Variants in TSPAN13 observed in about 807,000 individuals in gnomAD.
TSPAN13 encodes the protein tetraspanin 13, also known as tetraspanin-13.
In TSPAN13, 18 loss-of-function variants were observed where a neutral mutation model predicts 26.9. The observed-to-expected ratio is 0.67, with a 90% CI of 0.46 to 0.99. TSPAN13 has a LOEUF of 0.99. Among genes scored for constraint, TSPAN13 ranks in the 50% least tolerant of loss-of-function variants. The probability of loss-of-function intolerance (pLI) is 0.00; values close to 1 mark genes in which losing one functional copy is unlikely to be tolerated. For synonymous variants in TSPAN13, 116 were observed against 98.4 expected, an observed-to-expected ratio of 1.18 and a Z score of -1.06; for missense variants, 201 against 249.6, an observed-to-expected ratio of 0.81 and a Z score of 1.31.
chr7:16,777,780 A>G lies in TSPAN13; in HGVS notation c.313-18A>G, dbSNP rs1784770035. 6.2e-7 allele frequency: 1 copy of G among 1,601,496 alleles called. No homozygotes were observed. Among genetic ancestry groups the G allele is most frequent in the Non-Finnish European group, 8.5e-7 (1 of 1,169,892 alleles). On this transcript the variant is annotated intron_variant, in intron 3 of 5. Transcript: ENST00000262067. ...TCTGCAGGGATGACACATTTTATATATTAAACACATTTACTAGGGTCAGCT... is the reference window on the plus strand; with the variant it reads ...TCTGCAGGGATGACACATTTTATATGTTAAACACATTTACTAGGGTCAGCT...
chr7:16,777,151 A>G (rs1326519884), intron 3 of TSPAN13, 29 bp downstream of exon 3: 3 of 1,461,162 alleles, frequency 2.1e-6, no homozygotes, highest in South Asian at 2.3e-5. Context: ...CTTCTACTTT[A>G]TTATACCACA....
chr7:16,777,969 A>T (rs1244092347), intron 4 of TSPAN13, 58 bp downstream of exon 4: 2 of 1,255,042 alleles, frequency 1.6e-6, no homozygotes, highest in South Asian at 1.4e-5. Flanking sequence ...ATAATGATTA[A>T]TGTGGAAGAA....
At position 16,779,088 on chromosome 7, in the gene TSPAN13, G is replaced by C. The variant is rs1312314831; in HGVS notation, c.512G>C (p.Gly171Ala). 1 of 1,613,850 alleles carries C rather than the reference G, an allele frequency of 6.2e-7. No individual in the cohort carries two copies. ...YAGEVLRFVGGIGLFFSFTEI... is the reference protein window; with the variant it reads ...YAGEVLRFVGAIGLFFSFTEI... Reference sequence around the variant, plus strand: ...GGAGAGGTTTTGAGATTTGTTGGTGGCATTGGCCTGTTCTTCAGTTTTACA... The same window carrying C: ...GGAGAGGTTTTGAGATTTGTTGGTGCCATTGGCCTGTTCTTCAGTTTTACA... Residue 171 changes from glycine to alanine, a missense_variant, in exon 5 of 6, where the codon GGC becomes GCC. Physicochemically the swap from Gly to Ala is moderately conservative, Grantham distance 60. Transcript: ENST00000262067.
At chr7:16,774,519 C>G (rs1020293232) in intron 1 of TSPAN13, among the ~76,000 whole-genome samples, 2 of 152,158 alleles carry the variant, frequency 1.3e-5, no homozygotes, top group Admixed American at 1.3e-4. Flanking sequence ...ACCACAGAGT[C>G]AGAAATAAGC....
intron 1 of TSPAN13, among the ~76,000 whole-genome samples, chr7:16,763,344 T>C (rs1784567482): frequency 6.6e-6 from 1 of 152,178 alleles, no homozygotes; most frequent in Non-Finnish European, 1.5e-5. Flanking sequence ...AAGTTTATGA[T>C]CAACACAAGG....
chr7:16,758,098 G>C (rs1414794038), intron 1 of TSPAN13, among the ~76,000 whole-genome samples: 3 of 152,092 alleles, frequency 2.0e-5, no homozygotes, highest in South Asian at 2.1e-4. Context: ...GTCTCCCAAA[G>C]TGCTGGGATT....
Position 16,776,217 on chromosome 7 carries a change from A to G in TSPAN13, c.70A>G (p.Ser24Gly), listed in dbSNP as rs1270380532. The change falls in exon 2 of 6, where the codon AGT becomes GGT. Residue 24 changes from serine (S) to glycine (G), a missense_variant. Coordinates refer to ENST00000262067, the MANE Select transcript of TSPAN13 (RefSeq NM_014399.4). Reference protein sequence around the residue: ...CALNLLYTLVSLLLIGIAAWG... With the variant: ...CALNLLYTLVGLLLIGIAAWG... ...CCCCTGGGTGTTTTTGCAGTTGGTT[A>G]GTCTGCTGCTAATTGGAATTGCTGC... The G allele has an allele frequency of 2.5e-6, 4 of 1,613,462 alleles. No individual in the cohort carries two copies. Among genetic ancestry groups the G allele is most frequent in the Admixed American group, 3.3e-5 (2 of 59,974 alleles).
At chr7:16,773,168 G>A (rs192902761) in intron 1 of TSPAN13, among the ~76,000 whole-genome samples, 2 of 150,978 alleles carry the variant, frequency 1.3e-5, no homozygotes, top group Admixed American at 6.6e-5. Context: ...AAATCTTGGG[G>A]GGGGGCGGTT....
chr7:16,771,767 A>T lies in TSPAN13; in HGVS notation c.64-4444A>T, dbSNP rs550017895. Among the ~76,000 whole-genome samples the T allele has an allele frequency of 3.3e-5, 5 of 152,350 alleles. No homozygotes were observed. The East Asian group carries it at 9.6e-4, about 29-fold the overall frequency. On this transcript the variant is annotated intron_variant, in intron 1 of 5. Transcript: ENST00000262067. ...AGCCACTACACTTGTGTTAATTTGC[A>T]AAAGCAGCGATAGGAAACCCTCTTT...
intron 5 of TSPAN13, among the ~76,000 whole-genome samples, chr7:16,782,952 A>C (rs562317374): frequency 6.6e-6 from 1 of 152,148 alleles, no homozygotes; most frequent in Non-Finnish European, 1.5e-5. Flanking sequence ...TTACATCTTC[A>C]AAGCTAGGAG....
At chr7:16,754,781 C>T (rs960964537) in intron 1 of TSPAN13, among the ~76,000 whole-genome samples, 1 of 152,110 alleles carries the variant, frequency 6.6e-6, no homozygotes, top group Non-Finnish European at 1.5e-5. Flanking sequence ...ACGCTGCAGG[C>T]TCTCTTTGTG....
chr7:16,758,846 A>T (rs970613285), intron 1 of TSPAN13, among the ~76,000 whole-genome samples: 1 of 150,980 alleles, frequency 6.6e-6, no homozygotes, highest in Non-Finnish European at 1.5e-5. Flanking sequence ...GTAAAATTGT[A>T]TTATAATTGT....
intron 1 of TSPAN13, among the ~76,000 whole-genome samples, chr7:16,763,556 C>G (rs1784571840): frequency 6.6e-6 from 1 of 152,174 alleles, no homozygotes; most frequent in Admixed American, 6.5e-5. Flanking sequence ...CTTTCCCTGT[C>G]CATGATGGCT....
chr7:16,778,927 T>G, intron 4 of TSPAN13, 76 bp from the exon 5 acceptor site: 1 of 1,062,876 alleles, frequency 9.4e-7, no homozygotes, highest in South Asian at 1.6e-5. Flanking sequence ...GACACTAATT[T>G]TGTGTGTATG....
intron 1 of TSPAN13, 104 bp from the exon 2 acceptor site, chr7:16,776,106 AC>A: frequency 9.4e-7 from 1 of 1,062,690 alleles, no homozygotes. Flanking sequence ...GTAAGAGACT[AC>A]GTAGGTGCCT....
intron 1 of TSPAN13, among the ~76,000 whole-genome samples, chr7:16,767,090 G>T (rs767522666): frequency 6.6e-6 from 1 of 152,004 alleles, no homozygotes; most frequent in Non-Finnish European, 1.5e-5. Context: ...TGAGACTATA[G>T]GCACACCACT....
intron 1 of TSPAN13, among the ~76,000 whole-genome samples, chr7:16,765,522 CGG>C (rs1265528960): frequency 6.6e-6 from 1 of 152,140 alleles, no homozygotes; most frequent in African/African-American, 2.4e-5. Context: ...GGCGTTTACT[CGG>C]GGGAGAAATG....
At chr7:16,778,013 A>G in intron 4 of TSPAN13, 102 bp downstream of exon 4, 1 of 818,820 alleles carries the variant, frequency 1.2e-6, no homozygotes, top group Non-Finnish European at 1.9e-6. Context: ...TATTTTCAGG[A>G]TTATTTTATG....
intron 1 of TSPAN13, among the ~76,000 whole-genome samples, chr7:16,754,390 G>C (rs1784458653): frequency 6.6e-6 from 1 of 152,136 alleles, no homozygotes. Flanking sequence ...ACATCCAGAC[G>C]CATCTGGGCC....
Sources: gnomAD v4.1 joint callset for allele counts (sites outside exome capture counted in the v4.1 genomes callset) on GRCh38, gnomAD v4.1.1 for gene constraint, MANE v1.5 for transcripts, NCBI Gene and HGNC (gene_info 2026-07-23, HGNC 2026-07-21) for gene names.